Variants in RAB3GAP2 observed in about 807,000 individuals in gnomAD.
RAB3GAP2 encodes rab3 GTPase-activating protein non-catalytic subunit.
RAB3GAP2 carries 87 observed loss-of-function variants against 185.3 expected under a neutral mutation model. The ratio of observed to expected loss-of-function variants is 0.47; its 90% confidence interval spans 0.39 to 0.56. The LOEUF is 0.56. RAB3GAP2 is among the 20% of genes least tolerant of loss of function. The pLI is 0.00. For synonymous variants in RAB3GAP2, 554 were observed against 576.1 expected (o/e 0.96, Z 0.55); for missense variants, 1,492 against 1,638.2 (o/e 0.91, Z 1.54).
intron 4 of RAB3GAP2, among the ~76,000 whole-genome samples, chr1:220,212,045 T>C (rs753514390): frequency 6.6e-4 from 100 of 152,332 alleles, no homozygotes; most frequent in Non-Finnish European, 1.2e-3. Flanking sequence ...AAAGATTTAA[T>C]TGAAAACCAG....
intron 1 of RAB3GAP2, among the ~76,000 whole-genome samples, chr1:220,269,159 G>T (rs1162989258): frequency 2.0e-5 from 3 of 152,214 alleles, no homozygotes; most frequent in African/African-American, 7.2e-5. Flanking sequence ...GTTGACATTT[G>T]AGCTGAGACT....
At chr1:220,269,811 A>G (rs1429537137) in intron 1 of RAB3GAP2, among the ~76,000 whole-genome samples, 1 of 152,212 alleles carries the variant, frequency 6.6e-6, no homozygotes, top group African/African-American at 2.4e-5. Context: ...CAAGAGCAAA[A>G]GCAGGAAGAA....
intron 1 of RAB3GAP2, among the ~76,000 whole-genome samples, chr1:220,246,112 G>A (rs537687353): frequency 4.0e-4 from 61 of 152,156 alleles, no homozygotes; most frequent in African/African-American, 9.6e-4. Context: ...AAAAGTGGGC[G>A]AAGGACATGA....
chr1:220,205,217 C>T (rs1230480469), intron 8 of RAB3GAP2, among the ~76,000 whole-genome samples: 1 of 152,128 alleles, frequency 6.6e-6, no homozygotes, highest in Non-Finnish European at 1.5e-5. Flanking sequence ...GATGTAACAA[C>T]ATCAGAATGT....
chr1:220,164,461 GTTTTTTGTTTTGT>G (rs1436127740), intron 27 of RAB3GAP2, among the ~76,000 whole-genome samples: 8 of 124,090 alleles, frequency 6.4e-5, no homozygotes, highest in East Asian at 5.0e-4. Context: ...TTTTTGTTTT[GTTTTTTGTTTTGT>G]TTTTTTTTTT....
intron 17 of RAB3GAP2, among the ~76,000 whole-genome samples, chr1:220,186,390 G>T (rs1658507875): frequency 6.6e-6 from 1 of 152,150 alleles, no homozygotes; most frequent in Admixed American, 6.5e-5. Flanking sequence ...CAAAAAGTAG[G>T]CTGAGAATGT....
chr1:220,161,516 A>AT (rs1179593456), intron 28 of RAB3GAP2, among the ~76,000 whole-genome samples: 1 of 152,124 alleles, frequency 6.6e-6, no homozygotes, highest in African/African-American at 2.4e-5. Context: ...GTTGAGTTCT[A>AT]TGCTTATATG....
chr1:220,195,121 T>C lies in RAB3GAP2; in HGVS notation c.1087A>G (p.Lys363Glu). Residue 363 changes from lysine to glutamate, a missense_variant, in exon 12 of 35, where the codon AAG becomes GAG. Transcript: ENST00000358951. ...GCTGGCTCAACCTTCGGCTTTTGCT[T>C]TTGGACAGCTTCTTCTTCGTGCTTA... The part of the protein sequence containing the change: ...KSKHEEEAVQ[K>E]QKPKVEPATP... The C allele has an allele frequency of 1.2e-6, 2 of 1,614,150 alleles. No individual in the cohort carries two copies. Among genetic ancestry groups the C allele is most frequent in the Non-Finnish European group, 1.7e-6 (2 of 1,180,012 alleles).
At position 220,157,491 on chromosome 1, in the gene RAB3GAP2, A is replaced by G; in HGVS notation, c.3337-3T>C. 6.2e-7 allele frequency: 1 copy of G among 1,612,676 alleles called. No individual in the cohort carries two copies. The highest frequency in any genetic ancestry group is 1.1e-5 in the South Asian group (1 of 91,020). ...ATTTCATCCCTGCTAACATCTGCCT[A>G]AGGGTTTTGAGAATGGAGGACTGTG... On this transcript the variant is annotated splice_polypyrimidine_tract_variant and splice_region_variant and intron_variant, in intron 30 of 34. Coordinates refer to ENST00000358951, the MANE Select transcript of RAB3GAP2 (RefSeq NM_012414.4).
intron 31 of RAB3GAP2, among the ~76,000 whole-genome samples, chr1:220,155,309 GC>G (rs947886176): frequency 1.3e-5 from 2 of 152,110 alleles, no homozygotes; most frequent in Non-Finnish European, 2.9e-5. Flanking sequence ...CTTCCAATGT[GC>G]CTTCCATACC....
At chr1:220,195,203 C>T in intron 11 of RAB3GAP2, 36 bp from the exon 12 acceptor site, 1 of 1,610,364 alleles carries the variant, frequency 6.2e-7, no homozygotes, top group Non-Finnish European at 8.5e-7. Context: ...TAAAACTGAG[C>T]TTCCAGGGTT....
intron 1 of RAB3GAP2, among the ~76,000 whole-genome samples, chr1:220,271,546 T>C (rs1023950813): frequency 1.1e-4 from 17 of 152,194 alleles, no homozygotes; most frequent in Admixed American, 2.6e-4. Context: ...CTTTCTTGGC[T>C]ATGTCACTGT....
At chr1:220,164,479 T>G (rs1442375947) in intron 27 of RAB3GAP2, among the ~76,000 whole-genome samples, 10 of 147,426 alleles carry the variant, frequency 6.8e-5, no homozygotes, top group African/African-American at 9.9e-5. Flanking sequence ...TTTTGTTTTT[T>G]TTTTTTTTTT....
chr1:220,247,082 T>C (rs2808009), intron 1 of RAB3GAP2, among the ~76,000 whole-genome samples: 69,403 of 151,970 alleles, frequency 0.46, 17,926 homozygotes, highest in African/African-American at 0.71. Context: ...GCAAGAATGA[T>C]CATGATTAAA....
chr1:220,232,871 T>A lies in RAB3GAP2; in HGVS notation c.116-8A>T. On this transcript the variant is annotated splice_region_variant and splice_polypyrimidine_tract_variant and intron_variant, in intron 1 of 34. Coordinates refer to ENST00000358951, the MANE Select transcript of RAB3GAP2 (RefSeq NM_012414.4). ...CCCAGTCTGTTGATTTACCTGTTTT[T>A]AAAAAGATGAACAATGCTTGCATGA... 6.2e-7 allele frequency: 1 copy of A among 1,612,456 alleles called. No individual in the cohort carries two copies. Among genetic ancestry groups the A allele is most frequent in the Non-Finnish European group, 8.5e-7 (1 of 1,178,578 alleles).
At chr1:220,199,631 G>C (rs1228925966) in intron 9 of RAB3GAP2, among the ~76,000 whole-genome samples, 1 of 152,016 alleles carries the variant, frequency 6.6e-6, no homozygotes, top group Non-Finnish European at 1.5e-5. Flanking sequence ...ATGTTTAACT[G>C]TGTCAGAAGT....
In RAB3GAP2 at chr1:220,212,886, C is replaced by A; in HGVS notation, c.386+1G>T. Reference sequence around the variant, plus strand: ...AGAAACAAAAATTAACTGGCACCTACCCTTCTTCGACATTTAAGGAACCAC... The same window carrying A: ...AGAAACAAAAATTAACTGGCACCTAACCTTCTTCGACATTTAAGGAACCAC... On this transcript the variant is annotated splice_donor_variant, in intron 4 of 34. Coordinates refer to ENST00000358951, the MANE Select transcript of RAB3GAP2 (RefSeq NM_012414.4). LOFTEE classifies it high-confidence loss of function. 2 of 1,610,140 alleles carry A rather than the reference C, an allele frequency of 1.2e-6. No homozygotes were observed. Among genetic ancestry groups the A allele is most frequent in the Non-Finnish European group, 8.5e-7 (1 of 1,176,496 alleles).
At chr1:220,218,337 ACATATTATAAAAATAG>A (rs1331833123) in intron 2 of RAB3GAP2, among the ~76,000 whole-genome samples, 3 of 152,178 alleles carry the variant, frequency 2.0e-5, no homozygotes, top group African/African-American at 7.2e-5. Context: ...ACTGAGCATT[ACATATTATAAAAATAG>A]GTTAGAAAAT....
intron 4 of RAB3GAP2, among the ~76,000 whole-genome samples, chr1:220,212,347 T>C (rs891161006): frequency 2.8e-4 from 43 of 152,338 alleles, no homozygotes; most frequent in African/African-American, 1.0e-3. Context: ...TTTTGAATTC[T>C]TCCTTAAATC....
Sources: allele counts gnomAD v4.1 joint callset (sites outside exome capture counted in the v4.1 genomes callset), GRCh38; gene constraint gnomAD v4.1.1; transcripts MANE v1.5; gene names NCBI Gene and HGNC (gene_info 2026-07-23, HGNC 2026-07-21).